The following IMPA2 variants were observed in gnomAD, a reference collection of about 807,000 sequenced individuals.
The protein encoded by IMPA2 is IMP 2.
A neutral mutation model predicts 35.1 loss-of-function variants in IMPA2; 32 were observed. That is an observed-to-expected ratio of 0.91 (90% CI 0.69 to 1.23). IMPA2 has a LOEUF of 1.23. Among genes scored for constraint, IMPA2 ranks in the 50% most tolerant of loss-of-function variants. The pLI is 0.00. For synonymous variants in IMPA2, 135 were observed against 160.6 expected, an observed-to-expected ratio of 0.84 and a Z score of 1.20; for missense variants, 334 against 387.6, an observed-to-expected ratio of 0.86 and a Z score of 1.16.
intron 1 of IMPA2, among the ~76,000 whole-genome samples, chr18:11,987,459 C>T (rs59796048): frequency 0.11 from 16,152 of 152,040 alleles, 1,045 homozygotes; most frequent in East Asian, 0.28. Context: ...GCCTCCTGAA[C>T]AGCTGGGTCT....
At chr18:12,018,521 A>G (rs556667641) in intron 5 of IMPA2, among the ~76,000 whole-genome samples, 1 of 152,352 alleles carries the variant, frequency 6.6e-6, no homozygotes, top group East Asian at 1.9e-4. Context: ...ATTCTCTAGT[A>G]TAGCATTTTT....
At chr18:12,012,905 G>A (rs1359178925) in intron 4 of IMPA2, among the ~76,000 whole-genome samples, 1 of 152,234 alleles carries the variant, frequency 6.6e-6, no homozygotes, top group East Asian at 1.9e-4. Context: ...CAGGGGAGCT[G>A]AGAGAAGTAC....
chr18:11,989,825 C>G (rs1305817211), intron 1 of IMPA2, among the ~76,000 whole-genome samples: 1 of 152,044 alleles, frequency 6.6e-6, no homozygotes, highest in African/African-American at 2.4e-5. Context: ...GAAGCGCTGC[C>G]CAGGGGAGAT....
At chr18:12,002,018 T>C (rs573460198) in intron 2 of IMPA2, among the ~76,000 whole-genome samples, 1 of 152,340 alleles carries the variant, frequency 6.6e-6, no homozygotes, top group East Asian at 1.9e-4. Context: ...CCTCAAAAAT[T>C]GACATCAAAT....
At chr18:12,029,724 A>G (rs1256108095) in intron 7 of IMPA2, among the ~76,000 whole-genome samples, 2 of 152,146 alleles carry the variant, frequency 1.3e-5, no homozygotes, top group Non-Finnish European at 2.9e-5. Context: ...CCCGGCCTCC[A>G]TTCCATATTT....
chr18:12,029,119 T>TG, intron 7 of IMPA2, 126 bp downstream of exon 7: 2 of 901,622 alleles, frequency 2.2e-6, no homozygotes, highest in Non-Finnish European at 3.2e-6. Context: ...TTTTTTTTTT[T>TG]TTTTTTTTTT....
intron 1 of IMPA2, among the ~76,000 whole-genome samples, chr18:11,984,984 AAC>A (rs1272359109): frequency 6.2e-4 from 74 of 119,848 alleles, no homozygotes; most frequent in African/African-American, 1.9e-3. Flanking sequence ...AAAAAAAAAA[AAC>A]AACAAAAATC....
At chr18:12,015,231 C>T (rs1052607080) in intron 5 of IMPA2, among the ~76,000 whole-genome samples, 2 of 152,106 alleles carry the variant, frequency 1.3e-5, no homozygotes, top group African/African-American at 4.8e-5. Context: ...TCATGCAGGG[C>T]CCCCCATCTC....
At chr18:11,995,711 G>T (rs1233585183) in intron 1 of IMPA2, among the ~76,000 whole-genome samples, 1 of 152,142 alleles carries the variant, frequency 6.6e-6, no homozygotes, top group East Asian at 1.9e-4. Flanking sequence ...GCTCCAGGAG[G>T]TGGGACTTGT....
At chr18:12,028,701 C>T (rs1907952344) in intron 6 of IMPA2, 141 bp from the exon 7 acceptor site, 1 of 990,206 alleles carries the variant, frequency 1.0e-6, no homozygotes, top group Non-Finnish European at 1.5e-6. Context: ...TATATTCAGC[C>T]TCCAGAGCTT....
At chr18:12,017,564 T>A (rs1001074587) in intron 5 of IMPA2, 4 of 421,244 alleles carry the variant, frequency 9.5e-6, no homozygotes, top group African/African-American at 8.3e-5. Context: ...CACTGGACTG[T>A]GCTAGGAAGT....
intron 5 of IMPA2, among the ~76,000 whole-genome samples, chr18:12,019,123 C>T (rs1181698610): frequency 6.6e-6 from 1 of 152,020 alleles, no homozygotes; most frequent in Admixed American, 6.6e-5. Flanking sequence ...ACCAACCCAG[C>T]CTGTTTTTGA....
chr18:12,014,566 A>G (rs1048784511), intron 5 of IMPA2, among the ~76,000 whole-genome samples, 193 bp downstream of exon 5: 16 of 152,230 alleles, frequency 1.1e-4, no homozygotes, highest in Non-Finnish European at 2.1e-4. Context: ...TCACGTGGCC[A>G]GGAGCTTTAA....
At chr18:11,981,816 G>A in intron 1 of IMPA2, 51 bp downstream of exon 1, 1 of 1,146,380 alleles carries the variant, frequency 8.7e-7, no homozygotes, top group Non-Finnish European at 1.1e-6. Flanking sequence ...AAGCGCGTGG[G>A]CCTTGGGAGC....
At chr18:12,009,735 T>C in intron 2 of IMPA2, 148 bp from the exon 3 acceptor site, 2 of 674,720 alleles carry the variant, frequency 3.0e-6, no homozygotes, top group Non-Finnish European at 2.6e-6. Context: ...CATGGTTGTT[T>C]AAAGACTCTG....
At chr18:11,998,644 T>C (rs894243565) in intron 1 of IMPA2, among the ~76,000 whole-genome samples, 1 of 152,206 alleles carries the variant, frequency 6.6e-6, no homozygotes, top group Non-Finnish European at 1.5e-5. Context: ...AGGGCACAGG[T>C]GTGTAACATG....
intron 1 of IMPA2, among the ~76,000 whole-genome samples, chr18:11,982,012 G>A (rs1906515165): frequency 6.6e-6 from 1 of 152,226 alleles, no homozygotes; most frequent in African/African-American, 2.4e-5. Flanking sequence ...CGGCTAACGT[G>A]ACCTTTGCGT....
In IMPA2 at chr18:11,991,114, G is replaced by A. The variant is rs934119109; in HGVS notation, c.97-7940G>A. ...CACCCACTTTCAAGGAATAGTGGGA[G>A]GGAGATGAGCCGCAGAATGGTGGGG... is the stretch of plus-strand genomic sequence containing the variant. On this transcript the variant is annotated intron_variant, in intron 1 of 7. Transcript: ENST00000269159. The surrounding 1 kb of genome is among the most constrained non-coding windows in gnomAD (Gnocchi z 4.1). 1.3e-5 allele frequency among the ~76,000 whole-genome samples: 2 copies of A among 152,190 alleles called. No homozygotes were observed. The highest frequency in any genetic ancestry group is 2.9e-5 in the Non-Finnish European group (2 of 68,036).
intron 2 of IMPA2, among the ~76,000 whole-genome samples, chr18:12,006,469 C>T (rs2143798499): frequency 6.6e-6 from 1 of 152,318 alleles, no homozygotes; most frequent in Middle Eastern, 3.4e-3. Flanking sequence ...ATCTGCCTTG[C>T]CTGGCTAGGC....
Sources: gnomAD v4.1 joint callset for allele counts (sites outside exome capture counted in the v4.1 genomes callset) on GRCh38, gnomAD v4.1.1 for gene constraint, Gnocchi (gnomAD v3.1) non-coding constraint, MANE v1.5 for transcripts, NCBI Gene and HGNC (gene_info 2026-07-23, HGNC 2026-07-21) for gene names.